The following CSMD1 variants were observed in gnomAD, a reference collection of about 807,000 sequenced individuals.
CSMD1 encodes the protein CUB and Sushi multiple domains 1, also known as CUB and sushi domain-containing protein 1.
Under a neutral mutation model 417.5 loss-of-function variants are expected in CSMD1, and 213 were observed. The ratio of observed to expected loss-of-function variants is 0.51; its 90% CI spans 0.46 to 0.57. The LOEUF is 0.57. Ranked by LOEUF, CSMD1 falls within the 20% of genes least tolerant of loss-of-function variation. CSMD1 has a pLI of 0.00. For missense variants in CSMD1, 6,923 were observed against 4,529.7 expected (o/e 1.53, Z -15.17); for synonymous variants, 2,862 against 1,736.8 (o/e 1.65, Z -16.11).
chr8:4,933,800 C>G (rs1340087844), intron 1 of CSMD1, among the ~76,000 whole-genome samples: 2 of 152,072 alleles, frequency 1.3e-5, no homozygotes, highest in Non-Finnish European at 2.9e-5. Context: ...CTAAAGGGAC[C>G]TAGATGTGAG....
chr8:3,944,443 C>G (rs909713621), intron 5 of CSMD1, among the ~76,000 whole-genome samples: 1 of 152,018 alleles, frequency 6.6e-6, no homozygotes, highest in South Asian at 2.1e-4. Flanking sequence ...ATAAAATAAG[C>G]CTTTCTAGTT....
chr8:4,016,122 AG>A lies in CSMD1; in HGVS notation c.610+15782del, dbSNP rs554506857. 9.8e-5 allele frequency among the ~76,000 whole-genome samples: 15 copies of A among 152,286 alleles called. No individual in the cohort carries two copies. In the South Asian group the frequency reaches 3.1e-3, roughly 32 times the overall value. ...AAATTTTGGGATGGGATCATATAAA[AG>A]TTCATATAAAACATTTTAGATAGGA... On this transcript the variant is annotated intron_variant, in intron 4 of 69. Transcript: ENST00000635120.
chr8:4,687,034 C>T (rs143461171), intron 1 of CSMD1, among the ~76,000 whole-genome samples: 38 of 152,332 alleles, frequency 2.5e-4, no homozygotes, highest in Non-Finnish European at 4.4e-4. Context: ...GAACTCCATG[C>T]ACCCATGGCA....
rs570666525 is a variant in CSMD1, at chr8:4,770,553, G to C, written c.86-132995C>G. Among the ~76,000 whole-genome samples the C allele has an allele frequency of 4.6e-5, 7 of 151,766 alleles. No homozygotes were observed. In the South Asian group the frequency reaches 1.0e-3, roughly 22 times the overall value. The stretch of plus-strand genomic sequence containing the variant: ...AAAAGTTGAAGGCATTACACTTCCT[G>C]ATTTAAAATTATAGTACAAAGTTAT... On this transcript the variant is annotated intron_variant, in intron 1 of 69. Coordinates refer to ENST00000635120, the MANE Select transcript of CSMD1 (RefSeq NM_033225.6).
At chr8:3,707,513 C>T (rs544938941) in intron 7 of CSMD1, among the ~76,000 whole-genome samples, 12 of 152,172 alleles carry the variant, frequency 7.9e-5, no homozygotes, top group Non-Finnish European at 1.3e-4. Context: ...GAGCAGAAAA[C>T]GGCCCCTACA....
At chr8:3,665,970 C>A (rs890682875) in intron 7 of CSMD1, among the ~76,000 whole-genome samples, 8 of 152,208 alleles carry the variant, frequency 5.3e-5, no homozygotes, top group Admixed American at 2.6e-4. Flanking sequence ...CTCCACCTGC[C>A]AGATTCAAGT....
At chr8:3,035,528 C>G (rs530310823) in intron 50 of CSMD1, among the ~76,000 whole-genome samples, 2 of 152,222 alleles carry the variant, frequency 1.3e-5, no homozygotes, top group South Asian at 4.1e-4. Flanking sequence ...ATTTATTCTA[C>G]AAATGACTAA....
chr8:4,439,666 A>G (rs1261145042), intron 2 of CSMD1, among the ~76,000 whole-genome samples: 1 of 152,196 alleles, frequency 6.6e-6, no homozygotes, highest in Non-Finnish European at 1.5e-5. Flanking sequence ...AGGAGTGCGT[A>G]CTATGAAAAT....
chr8:3,777,634 G>A (rs992545472), intron 5 of CSMD1, among the ~76,000 whole-genome samples: 1 of 152,196 alleles, frequency 6.6e-6, no homozygotes, highest in Non-Finnish European at 1.5e-5. Flanking sequence ...ATCCCAACCA[G>A]CAACAAGAAC....
At chr8:4,030,207 C>A (rs1220815288) in intron 4 of CSMD1, among the ~76,000 whole-genome samples, 7 of 149,940 alleles carry the variant, frequency 4.7e-5, no homozygotes, top group African/African-American at 1.7e-4. Context: ...TCAACTAGGG[C>A]GGTGCCCCAG....
chr8:4,512,369 A>G (rs1802869406), intron 2 of CSMD1, among the ~76,000 whole-genome samples: 1 of 152,228 alleles, frequency 6.6e-6, no homozygotes, highest in South Asian at 2.1e-4. Flanking sequence ...TCTCACTAAG[A>G]GCAGGAAACA....
At chr8:3,494,248 T>C (rs1796266720) in intron 10 of CSMD1, among the ~76,000 whole-genome samples, 1 of 152,208 alleles carries the variant, frequency 6.6e-6, no homozygotes, top group Non-Finnish European at 1.5e-5. Flanking sequence ...TTGTTTGTTT[T>C]TTTACAAAGA....
chr8:3,358,855 C>A (rs995280887), intron 21 of CSMD1, among the ~76,000 whole-genome samples: 2 of 151,890 alleles, frequency 1.3e-5, no homozygotes, highest in Non-Finnish European at 2.9e-5. Context: ...GATTTTCTCT[C>A]TCTCCGTATA....
intron 3 of CSMD1, among the ~76,000 whole-genome samples, chr8:4,055,041 T>C (rs1241301171): frequency 1.3e-5 from 2 of 152,212 alleles, no homozygotes; most frequent in Non-Finnish European, 2.9e-5. Flanking sequence ...CAAACTTACA[T>C]GAATATACTA....
chr8:3,617,188 C>T (rs916930724), intron 7 of CSMD1, among the ~76,000 whole-genome samples: 1 of 152,138 alleles, frequency 6.6e-6, no homozygotes, highest in Non-Finnish European at 1.5e-5. Context: ...TAGATGACAA[C>T]AGAGATGATA....
chr8:4,413,254 T>C (rs777547463), intron 3 of CSMD1, among the ~76,000 whole-genome samples: 7 of 152,152 alleles, frequency 4.6e-5, no homozygotes, highest in Non-Finnish European at 7.4e-5. Context: ...TGGCTAAGCT[T>C]TCCTTTCCTT....
intron 37 of CSMD1, among the ~76,000 whole-genome samples, chr8:3,166,581 G>A (rs1015642333): frequency 6.6e-6 from 1 of 152,030 alleles, no homozygotes; most frequent in African/African-American, 2.4e-5. Flanking sequence ...CAACAAGTCT[G>A]CCTTTCCTGA....
chr8:4,544,891 A>G (rs2130533796), intron 2 of CSMD1, among the ~76,000 whole-genome samples: 1 of 152,354 alleles, frequency 6.6e-6, no homozygotes, highest in Non-Finnish European at 1.5e-5. Flanking sequence ...TCTCCATCAC[A>G]TTGGTCTTTA....
At chr8:3,235,271 A>C (rs1331628743) in intron 26 of CSMD1, among the ~76,000 whole-genome samples, 3 of 152,210 alleles carry the variant, frequency 2.0e-5, no homozygotes, top group Non-Finnish European at 2.9e-5. Flanking sequence ...ATAATTTTTA[A>C]AACCAAGATG....
Sources: gnomAD v4.1 joint callset for allele counts (sites outside exome capture counted in the v4.1 genomes callset) on GRCh38, gnomAD v4.1.1 for gene constraint, MANE v1.5 for transcripts, NCBI Gene and HGNC (gene_info 2026-07-23, HGNC 2026-07-21) for gene names.